SLAIN2: variants seen among roughly 807,000 people sequenced by gnomAD.
SLAIN2 encodes SLAIN motif-containing protein 2.
SLAIN2 carries 31 observed loss-of-function variants against 56.6 expected under a neutral mutation model. The ratio of observed to expected loss-of-function variants is 0.55; its 90% CI spans 0.41 to 0.74. The LOEUF (loss-of-function observed/expected upper bound fraction) is 0.74, where lower values mean the gene tolerates loss of function less well. SLAIN2 is among the 30% of genes least tolerant of loss of function. SLAIN2 has a pLI of 0.00. For missense variants in SLAIN2, 777 were observed against 754.2 expected (o/e 1.03, Z -0.35); for synonymous variants, 317 against 284.9 (o/e 1.11, Z -1.13).
At chr4:48,369,267 C>T (rs918307176) in intron 1 of SLAIN2, among the ~76,000 whole-genome samples, 1 of 152,152 alleles carries the variant, frequency 6.6e-6, no homozygotes, top group Non-Finnish European at 1.5e-5. Context: ...TATACTTTCC[C>T]TGTTAGCTTA....
chr4:48,364,374 C>T (rs1454772668), intron 1 of SLAIN2, among the ~76,000 whole-genome samples: 1 of 76,884 alleles, frequency 1.3e-5, no homozygotes, highest in African/African-American at 4.6e-5. Flanking sequence ...CGGGTGGAGA[C>T]GCTCCTCACT....
At chr4:48,390,779 C>T (rs1370657908) in intron 6 of SLAIN2, among the ~76,000 whole-genome samples, 1 of 152,172 alleles carries the variant, frequency 6.6e-6, no homozygotes, top group Non-Finnish European at 1.5e-5. Flanking sequence ...TTATCAATAG[C>T]TTCTTCAGAA....
chr4:48,397,296 C>T (rs751273529), intron 6 of SLAIN2, among the ~76,000 whole-genome samples: 4 of 151,990 alleles, frequency 2.6e-5, no homozygotes, highest in Non-Finnish European at 4.4e-5. Flanking sequence ...CAAAAGAAGA[C>T]ATTCATGCGG....
intron 1 of SLAIN2, among the ~76,000 whole-genome samples, chr4:48,353,173 G>T (rs1303077432): frequency 1.3e-5 from 2 of 152,224 alleles, no homozygotes; most frequent in South Asian, 2.1e-4. Context: ...ATACTGTGTG[G>T]TTCTGAAAAT....
rs778230495 is a variant in SLAIN2, at chr4:48,382,773, G to A, written c.1068G>A (p.Gln356=). The part of the protein sequence containing the change: ...PRNSPRPSPK[Q]SPRNSPRSRS... ...ATTCACCTCGACCGTCACCTAAGCA[G>A]TCACCCAGAAATTCACCTCGTTCAC... The change falls in exon 5 of 8, where the codon CAG becomes CAA. Residue 356 remains glutamine (Q), a synonymous_variant. Coordinates refer to ENST00000264313, the MANE Select transcript of SLAIN2 (RefSeq NM_020846.2). The A allele has an allele frequency of 6.2e-7, 1 of 1,613,730 alleles. No homozygotes were observed. The highest frequency in any genetic ancestry group is 1.1e-5 in the South Asian group (1 of 91,076).
intron 4 of SLAIN2, among the ~76,000 whole-genome samples, chr4:48,380,563 G>A (rs1029310743): frequency 7.9e-5 from 12 of 152,140 alleles, no homozygotes; most frequent in Non-Finnish European, 4.4e-5. Flanking sequence ...TCATCAAAGT[G>A]TACATATGCA....
intron 1 of SLAIN2, among the ~76,000 whole-genome samples, chr4:48,353,478 G>A (rs975387785): frequency 1.3e-5 from 2 of 152,004 alleles, no homozygotes; most frequent in Non-Finnish European, 1.5e-5. Context: ...TAAAAAAAAG[G>A]AAACTTTTTT....
intron 1 of SLAIN2, among the ~76,000 whole-genome samples, chr4:48,353,593 G>T (rs1715077128): frequency 6.6e-6 from 1 of 151,934 alleles, no homozygotes; most frequent in Non-Finnish European, 1.5e-5. Flanking sequence ...AAAACAGAAG[G>T]TTTTTTTTAC....
intron 1 of SLAIN2, among the ~76,000 whole-genome samples, chr4:48,346,349 TG>T (rs1714864990): frequency 6.6e-6 from 1 of 152,160 alleles, no homozygotes; most frequent in Non-Finnish European, 1.5e-5. Context: ...TCATTTGGAG[TG>T]GTAGGCCTAA....
chr4:48,377,774 TA>T, intron 2 of SLAIN2, 121 bp from the exon 3 acceptor site: 2 of 970,232 alleles, frequency 2.1e-6, no homozygotes, highest in Non-Finnish European at 3.1e-6. Flanking sequence ...CCCACTACCA[TA>T]AGAATATTTC....
chr4:48,342,211 C>T (rs762517140), intron 1 of SLAIN2, 83 bp downstream of exon 1: 4 of 1,316,680 alleles, frequency 3.0e-6, no homozygotes, highest in Non-Finnish European at 3.9e-6. Flanking sequence ...TCTGGTCGGG[C>T]GCCTCGCTTT....
chr4:48,420,667 C>A (rs1360167038), intron 7 of SLAIN2, among the ~76,000 whole-genome samples: 2 of 152,052 alleles, frequency 1.3e-5, no homozygotes, highest in Non-Finnish European at 2.9e-5. Context: ...AGTTGCCTAA[C>A]GTGATTAAGC....
chr4:48,400,080 C>A (rs564876437), intron 6 of SLAIN2, among the ~76,000 whole-genome samples: 2 of 152,192 alleles, frequency 1.3e-5, no homozygotes, highest in South Asian at 4.2e-4. Context: ...AGAAATTGTA[C>A]CAGCCATTCT....
At chr4:48,348,082 T>C (rs766281012) in intron 1 of SLAIN2, among the ~76,000 whole-genome samples, 5 of 152,194 alleles carry the variant, frequency 3.3e-5, no homozygotes, top group Non-Finnish European at 5.9e-5. Flanking sequence ...GATATTTAGC[T>C]TGGGGAAGAG....
chr4:48,380,025 G>C (rs1279694242), intron 4 of SLAIN2, among the ~76,000 whole-genome samples, 177 bp downstream of exon 4: 1 of 152,012 alleles, frequency 6.6e-6, no homozygotes, highest in Non-Finnish European at 1.5e-5. Context: ...CTTGTTTTCA[G>C]AGTCCATTTT....
At chr4:48,415,433 G>A (rs1387892844) in intron 6 of SLAIN2, among the ~76,000 whole-genome samples, 2 of 56,166 alleles carry the variant, frequency 3.6e-5, no homozygotes, top group Non-Finnish European at 4.0e-5. Flanking sequence ...AAATTTGTTT[G>A]AGTTCATTGT....
chr4:48,387,037 A>G (rs576846558), intron 6 of SLAIN2, among the ~76,000 whole-genome samples: 386 of 152,274 alleles, frequency 2.5e-3, no homozygotes, highest in Non-Finnish European at 4.6e-3. Context: ...TACATTCTGG[A>G]TTTCTCAAAA....
At chr4:48,382,185 C>CT (rs2109762484) in intron 4 of SLAIN2, among the ~76,000 whole-genome samples, 1 of 152,208 alleles carries the variant, frequency 6.6e-6, no homozygotes, top group Admixed American at 6.5e-5. Context: ...CATACGTATT[C>CT]TTTTTCCACT....
At chr4:48,345,197 G>A (rs1714829629) in intron 1 of SLAIN2, among the ~76,000 whole-genome samples, 1 of 152,146 alleles carries the variant, frequency 6.6e-6, no homozygotes, top group Non-Finnish European at 1.5e-5. Flanking sequence ...CTTTTTCCAA[G>A]TATAATGTCC....
Sources: gnomAD v4.1 joint callset for allele counts (sites outside exome capture counted in the v4.1 genomes callset) on GRCh38, gnomAD v4.1.1 for gene constraint, MANE v1.5 for transcripts, NCBI Gene and HGNC (gene_info 2026-07-23, HGNC 2026-07-21) for gene names.